NT5DC1: variants seen among roughly 807,000 people sequenced by gnomAD.
The protein encoded by NT5DC1 is 5'-nucleotidase domain-containing protein 1.
Under a neutral mutation model 59.4 loss-of-function variants are expected in NT5DC1, and 42 were observed. That is an observed-to-expected ratio of 0.71 (90% CI 0.55 to 0.92). The LOEUF (loss-of-function observed/expected upper bound fraction) is 0.92, where lower values mean the gene tolerates loss of function less well. Ranked by LOEUF, NT5DC1 falls within the 40% of genes least tolerant of loss-of-function variation. The pLI, the probability that NT5DC1 is intolerant of heterozygous loss-of-function variation, is 0.00. For synonymous variants in NT5DC1, 172 were observed against 188.1 expected (o/e 0.91, Z 0.70); for missense variants, 501 against 537.1 (o/e 0.93, Z 0.66).
chr6:116,174,514 TTA>T (rs1582852586), intron 6 of NT5DC1, among the ~76,000 whole-genome samples: 1 of 152,184 alleles, frequency 6.6e-6, no homozygotes, highest in East Asian at 1.9e-4. Context: ...AATATAAAAT[TTA>T]GAGTGCCAAT....
rs985136873 is a variant in NT5DC1, at chr6:116,213,664, A to G, written c.530-7390A>G. 8.5e-5 allele frequency among the ~76,000 whole-genome samples: 13 copies of G among 152,190 alleles called. No individual in the cohort carries two copies. The East Asian group carries it at 1.2e-3, about 14-fold the overall frequency. On this transcript the variant is annotated intron_variant, in intron 6 of 11. Coordinates refer to ENST00000319550, the MANE Select transcript of NT5DC1 (RefSeq NM_152729.3). Reference sequence around the variant, plus strand: ...ATTCAATAAATTTAACATCTGTTCTATGTGTAGATCACATGTAGGAGAACA... The same window carrying G: ...ATTCAATAAATTTAACATCTGTTCTGTGTGTAGATCACATGTAGGAGAACA...
intron 1 of NT5DC1, among the ~76,000 whole-genome samples, chr6:116,102,854 T>C (rs1582801757): frequency 6.6e-6 from 1 of 152,236 alleles, no homozygotes; most frequent in East Asian, 1.9e-4. Flanking sequence ...TGGTCCCTTG[T>C]GGTGGGTAGT....
intron 6 of NT5DC1, among the ~76,000 whole-genome samples, chr6:116,138,446 A>G (rs1228590444): frequency 6.6e-6 from 1 of 152,228 alleles, no homozygotes; most frequent in Non-Finnish European, 1.5e-5. Context: ...ACCATCTCAA[A>G]TTGGTGAACA....
At chr6:116,123,586 G>A (rs576552437) in intron 6 of NT5DC1, among the ~76,000 whole-genome samples, 1 of 152,350 alleles carries the variant, frequency 6.6e-6, no homozygotes, top group East Asian at 1.9e-4. Context: ...ACCTGTGTTG[G>A]ATGGATATGC....
At position 116,167,206 on chromosome 6, in the gene NT5DC1, A is replaced by ATTTT. The variant is rs61348980; in HGVS notation, c.529+49283_529+49286dup. Among the ~76,000 whole-genome samples the ATTTT allele has an allele frequency of 1.1e-3, 99 of 87,814 alleles. 4 individuals are homozygous for ATTTT. Among genetic ancestry groups the ATTTT allele is most frequent in the African/African-American group, 3.0e-3 (61 of 20,416 alleles). 57.6% of individuals were successfully genotyped at this position (87,814 alleles called of 152,430 possible). ...TTTGTAAAATTAGTTCAAATAGAAG[A>ATTTT]TTTTTTTTTTTTTTTTTTTTTTTTT... is the stretch of plus-strand genomic sequence containing the variant. On this transcript the variant is annotated intron_variant, in intron 6 of 11. Transcript: ENST00000319550.
chr6:116,178,187 C>T (rs1273805860), intron 6 of NT5DC1, among the ~76,000 whole-genome samples: 3 of 150,522 alleles, frequency 2.0e-5, no homozygotes, highest in East Asian at 4.0e-4. Flanking sequence ...AGTTAATTTG[C>T]TTGAAACCCT....
At chr6:116,161,365 A>G (rs985561544) in intron 6 of NT5DC1, among the ~76,000 whole-genome samples, 21 of 152,108 alleles carry the variant, frequency 1.4e-4, no homozygotes, top group African/African-American at 4.8e-4. Context: ...AATAATAAAG[A>G]TGCATTGATA....
At chr6:116,143,056 A>G (rs34224224) in intron 6 of NT5DC1, among the ~76,000 whole-genome samples, 1 of 152,088 alleles carries the variant, frequency 6.6e-6, no homozygotes. Context: ...CTTACTAGGA[A>G]ATTCCTGGAG....
intron 6 of NT5DC1, among the ~76,000 whole-genome samples, chr6:116,198,396 T>C (rs539866139): frequency 6.6e-6 from 1 of 152,002 alleles, no homozygotes; most frequent in Non-Finnish European, 1.5e-5. Flanking sequence ...TCAAGCAGCT[T>C]GTTTAAAGAG....
rs538020938 is a variant in NT5DC1, at chr6:116,184,890, T to C, written c.530-36164T>C. 2.6e-5 allele frequency among the ~76,000 whole-genome samples: 4 copies of C among 152,168 alleles called. No individual in the cohort carries two copies. The South Asian group carries it at 8.3e-4, about 32-fold the overall frequency. ...GTTTCAATTTTTAGCTTTGCTCTGA[T>C]CTTGATTATTTCTTTTCTTCTGCTG... On this transcript the variant is annotated intron_variant, in intron 6 of 11. Transcript: ENST00000319550.
rs1199152502 is a variant in NT5DC1 at position 116,247,501 on chromosome 6, T to A, written c.*3477T>A. ...AGTAACCAAAATGGGGAAGGAGTGA[T>A]GAAAACTCATCTTTGAGTAAGCTTA... On this transcript the variant is annotated 3_prime_UTR_variant, in exon 12 of 12. Transcript: ENST00000319550. 3 of 152,106 alleles carry A rather than the reference T, an allele frequency of 2.0e-5. No individual in the cohort carries two copies. Among genetic ancestry groups the A allele is most frequent in the Non-Finnish European group, 4.4e-5 (3 of 68,000 alleles). The allele number at this position is 152,106 out of a possible 1,614,324, so 9.4% of individuals were successfully genotyped here.
rs112844744 is a variant in NT5DC1 at position 116,139,745 on chromosome 6, G to C, written c.529+21800G>C. ...GTCATGGGAGTAAGGAGAGAAATAG[G>C]AATTTGACAGTTTTTTGCTTAAAAG... On this transcript the variant is annotated intron_variant, in intron 6 of 11. Transcript: ENST00000319550. Among the ~76,000 whole-genome samples, 67 of 152,156 alleles carry C rather than the reference G, an allele frequency of 4.4e-4. 1 individual carries two copies. The highest frequency in any genetic ancestry group is 1.6e-3 in the African/African-American group (66 of 41,490).
intron 6 of NT5DC1, among the ~76,000 whole-genome samples, chr6:116,135,865 A>ATGTGTATATATATATATATGTATGTATG (rs1562132693): frequency 8.3e-6 from 1 of 120,216 alleles, no homozygotes; most frequent in Non-Finnish European, 1.8e-5. Flanking sequence ...ATATATATAT[A>ATGTGTATATATATATATATGTATGTATG]TATATATACA....
intron 11 of NT5DC1, 78 bp from the exon 12 acceptor site, chr6:116,243,831 G>A (rs1343908944): frequency 1.7e-5 from 10 of 589,532 alleles, no homozygotes; most frequent in Non-Finnish European, 2.7e-5. Flanking sequence ...AGTTTTATTA[G>A]TGAATATCAA....
chr6:116,243,676 A>G (rs1435974085), intron 11 of NT5DC1, among the ~76,000 whole-genome samples: 1 of 152,138 alleles, frequency 6.6e-6, no homozygotes, highest in East Asian at 1.9e-4. Flanking sequence ...AGCCTTTTTT[A>G]TAGCTGTTGT....
In NT5DC1 at chr6:116,210,229, CA is replaced by C. The variant is rs146175418; in HGVS notation, c.530-10823del. On this transcript the variant is annotated intron_variant, in intron 6 of 11. Transcript: ENST00000319550. The stretch of plus-strand genomic sequence containing the variant: ...CATGCTTAAAAGACTTTCCACATTG[CA>C]AGATTTTAAATAAATTTATATGTAA... Among the ~76,000 whole-genome samples the C allele has an allele frequency of 5.9e-5, 9 of 151,986 alleles. No individual in the cohort carries two copies. In the East Asian group the frequency reaches 1.7e-3, roughly 30 times the overall value.
chr6:116,227,078 G>T (rs1001298186), intron 8 of NT5DC1, among the ~76,000 whole-genome samples: 4 of 151,884 alleles, frequency 2.6e-5, no homozygotes, highest in African/African-American at 9.7e-5. Flanking sequence ...TGGATTTATG[G>T]ATTTATTCCT....
intron 6 of NT5DC1, among the ~76,000 whole-genome samples, chr6:116,126,437 T>A (rs957557072): frequency 1.3e-5 from 2 of 152,214 alleles, no homozygotes; most frequent in Non-Finnish European, 2.9e-5. Flanking sequence ...ACCCCCTTTT[T>A]ATTTTTGAAA....
chr6:116,155,114 A>G (rs1780153376), intron 6 of NT5DC1, among the ~76,000 whole-genome samples: 1 of 152,158 alleles, frequency 6.6e-6, no homozygotes. Flanking sequence ...ATTACTTTCA[A>G]TGGCAAAGTA....
Sources: gnomAD v4.1 joint callset for allele counts (sites outside exome capture counted in the v4.1 genomes callset) on GRCh38, gnomAD v4.1.1 for gene constraint, MANE v1.5 for transcripts, NCBI Gene and HGNC (gene_info 2026-07-23, HGNC 2026-07-21) for gene names.